The following LONP2 variants were observed in gnomAD, a reference collection of about 807,000 sequenced individuals.
LONP2 encodes the protein lon protease homolog 2, peroxisomal.
Under a neutral mutation model 85.6 loss-of-function variants are expected in LONP2, and 60 were observed. The observed-to-expected ratio is 0.70, with a 90% CI of 0.57 to 0.87. The LOEUF is 0.87. Ranked by LOEUF, LONP2 falls within the 40% of genes least tolerant of loss-of-function variation. LONP2 has a pLI of 0.00. For synonymous variants in LONP2, 395 were observed against 389.7 expected, an observed-to-expected ratio of 1.01 and a Z score of -0.16; for missense variants, 860 against 1,063.5, an observed-to-expected ratio of 0.81 and a Z score of 2.66.
At chr16:48,269,585 T>G (rs1220013933) in intron 6 of LONP2, among the ~76,000 whole-genome samples, 1 of 152,200 alleles carries the variant, frequency 6.6e-6, no homozygotes, top group Non-Finnish European at 1.5e-5. Context: ...AGTGGTGATC[T>G]CTTGGGGGCA....
intron 12 of LONP2, among the ~76,000 whole-genome samples, chr16:48,341,898 G>T (rs1228754113): frequency 1.3e-5 from 2 of 152,194 alleles, no homozygotes; most frequent in African/African-American, 4.8e-5. Context: ...CCGAGGAGGG[G>T]CCATGCGAGT....
intron 11 of LONP2, among the ~76,000 whole-genome samples, chr16:48,315,785 A>G (rs1973127442): frequency 6.6e-6 from 1 of 151,056 alleles, no homozygotes; most frequent in Non-Finnish European, 1.5e-5. Context: ...TGGGATTCTG[A>G]GAAGAGAGCC....
At position 48,252,206 on chromosome 16, in the gene LONP2, A is replaced by G; in HGVS notation, c.309A>G (p.Thr103=). 6.2e-7 allele frequency: 1 copy of G among 1,613,980 alleles called. No homozygotes were observed. Among genetic ancestry groups the G allele is most frequent in the Admixed American group, 1.7e-5 (1 of 60,016 alleles). Reference sequence around the variant, plus strand: ...AGCCCCACTACACTCTGTTGATTACAGGCCTATGCCGTTTCCAGATTGTAC... The same window carrying G: ...AGCCCCACTACACTCTGTTGATTACGGGCCTATGCCGTTTCCAGATTGTAC... ...WPKPHYTLLI[T]GLCRFQIVQV... is the part of the protein sequence containing the mutation. The change falls in exon 2 of 15, where the codon ACA becomes ACG. Residue 103 remains threonine, a synonymous_variant. Coordinates refer to ENST00000285737, the MANE Select transcript of LONP2 (RefSeq NM_031490.5).
chr16:48,312,629 G>A (rs1281893911), intron 11 of LONP2, among the ~76,000 whole-genome samples: 2 of 152,228 alleles, frequency 1.3e-5, no homozygotes, highest in East Asian at 3.9e-4. Context: ...GTACGGGGTG[G>A]GTGATTGGGC....
rs1046754127 is a variant in LONP2 at position 48,356,238 on chromosome 16, A to G, written c.*4436A>G. 7.9e-5 allele frequency: 12 copies of G among 152,726 alleles called. No homozygotes were observed. The highest frequency in any genetic ancestry group is 5.9e-4 in the Admixed American group (9 of 15,310). The allele number at this position is 152,726 out of a possible 1,614,324, so 9.5% of individuals were successfully genotyped here. ...ATTGGTCTGCATTCACAGTGACCAA[A>G]ATCAGCTATGTGGCCAGGTAATTCA... On this transcript the variant is annotated 3_prime_UTR_variant, in exon 15 of 15. Transcript: ENST00000285737.
At chr16:48,249,828 A>G (rs1032520720) in intron 1 of LONP2, among the ~76,000 whole-genome samples, 3 of 152,232 alleles carry the variant, frequency 2.0e-5, no homozygotes, top group Non-Finnish European at 1.5e-5. Context: ...GCATAGTATA[A>G]ATTCAGCTTA....
chr16:48,348,809 A>G (rs149794874), intron 14 of LONP2, among the ~76,000 whole-genome samples: 2 of 152,288 alleles, frequency 1.3e-5, no homozygotes, highest in African/African-American at 4.8e-5. Context: ...TTCCCATTCT[A>G]AGATTTGCTA....
intron 11 of LONP2, among the ~76,000 whole-genome samples, chr16:48,309,348 T>C (rs1596971479): frequency 6.6e-6 from 1 of 152,226 alleles, no homozygotes; most frequent in South Asian, 2.1e-4. Context: ...TGCACACATA[T>C]GTTCGTTTTA....
At chr16:48,264,385 A>G (rs1369426675) in intron 6 of LONP2, among the ~76,000 whole-genome samples, 2 of 152,210 alleles carry the variant, frequency 1.3e-5, no homozygotes, top group Non-Finnish European at 2.9e-5. Context: ...CTGAGAAAAA[A>G]GAATTCAGCG....
chr16:48,338,208 T>C (rs1959710992), intron 12 of LONP2, among the ~76,000 whole-genome samples: 1 of 152,230 alleles, frequency 6.6e-6, no homozygotes, highest in African/African-American at 2.4e-5. Context: ...ATTTAATAAA[T>C]ACCTATTAAG....
chr16:48,314,489 A>G (rs1373324351), intron 11 of LONP2, among the ~76,000 whole-genome samples: 1 of 152,088 alleles, frequency 6.6e-6, no homozygotes, highest in Non-Finnish European at 1.5e-5. Context: ...ATTTTTGTAT[A>G]AGGTGTAAGG....
At chr16:48,301,492 G>A (rs1052317748) in intron 10 of LONP2, among the ~76,000 whole-genome samples, 4 of 152,056 alleles carry the variant, frequency 2.6e-5, no homozygotes, top group Admixed American at 1.3e-4. Flanking sequence ...GGTGCATGCC[G>A]GGCGTGGTGG....
At chr16:48,276,744 T>A (rs1972217135) in intron 7 of LONP2, among the ~76,000 whole-genome samples, 1 of 152,214 alleles carries the variant, frequency 6.6e-6, no homozygotes, top group African/African-American at 2.4e-5. Flanking sequence ...ATAATGGAAT[T>A]CTGATATAAA....
At chr16:48,346,707 G>C (rs571383853) in intron 12 of LONP2, among the ~76,000 whole-genome samples, 1 of 152,160 alleles carries the variant, frequency 6.6e-6, no homozygotes, top group African/African-American at 2.4e-5. Flanking sequence ...TGTCGTCTCA[G>C]CCTCCCAAAG....
At chr16:48,327,409 G>T (rs1411032365) in intron 11 of LONP2, among the ~76,000 whole-genome samples, 1 of 152,090 alleles carries the variant, frequency 6.6e-6, no homozygotes, top group Non-Finnish European at 1.5e-5. Context: ...TTATATTTCT[G>T]TGGCCTTTTC....
At chr16:48,313,021 C>T (rs1973067289) in intron 11 of LONP2, among the ~76,000 whole-genome samples, 1 of 152,150 alleles carries the variant, frequency 6.6e-6, no homozygotes, top group Admixed American at 6.5e-5. Context: ...GAGGCTGCCT[C>T]ATACATTGTT....
At chr16:48,316,314 C>T (rs1334659648) in intron 11 of LONP2, among the ~76,000 whole-genome samples, 1 of 145,606 alleles carries the variant, frequency 6.9e-6, no homozygotes, top group Non-Finnish European at 1.5e-5. Flanking sequence ...GCGCCCAGCC[C>T]ATTGGATTCT....
At position 48,270,198 on chromosome 16, in the gene LONP2, G is replaced by A. The variant is rs1239113925; in HGVS notation, c.1165G>A (p.Ala389Thr). 6.2e-7 allele frequency: 1 copy of A among 1,614,012 alleles called. No homozygotes were observed. The highest frequency in any genetic ancestry group is 1.6e-4 in the Middle Eastern group (1 of 6,062). Residue 389 changes from alanine (A) to threonine (T), a missense_variant, in exon 7 of 15, where the codon GCC becomes ACC. By Grantham distance (58) the Ala-to-Thr change is moderately conservative. Coordinates refer to ENST00000285737, the MANE Select transcript of LONP2 (RefSeq NM_031490.5). ...VGKTSVGRSVAKTLGREFHRI... is the reference protein window; with the variant it reads ...VGKTSVGRSVTKTLGREFHRI... ...TAAAACAAGTGTGGGAAGATCAGTG[G>A]CCAAGACTCTAGGTCGAGAGTTCCA...
At chr16:48,358,906 A>G (rs923046497), downstream of LONP2, among the ~76,000 whole-genome samples, 1 of 152,238 alleles carries the variant, frequency 6.6e-6, no homozygotes, top group Admixed American at 6.5e-5. Flanking sequence ...GCAGTTTTAT[A>G]ATTTCCAAAG....
Sources: gnomAD v4.1 joint callset for allele counts (sites outside exome capture counted in the v4.1 genomes callset) on GRCh38, gnomAD v4.1.1 for gene constraint, MANE v1.5 for transcripts, NCBI Gene and HGNC (gene_info 2026-07-23, HGNC 2026-07-21) for gene names.